The following ELAVL2 variants were observed in gnomAD, a reference collection of about 807,000 sequenced individuals.
ELAVL2 encodes ELAV like RNA binding protein 2.
Under a neutral mutation model 34.6 loss-of-function variants are expected in ELAVL2, and 4 were observed. The observed-to-expected ratio is 0.12, with a 90% CI of 0.06 to 0.26. The LOEUF (loss-of-function observed/expected upper bound fraction) is 0.26. Among genes scored for constraint, ELAVL2 ranks in the 10% least tolerant of loss-of-function variants. ELAVL2 has a pLI of 1.00. For synonymous variants in ELAVL2, 193 were observed against 154.8 expected, an observed-to-expected ratio of 1.25 and a Z score of -1.83; for missense variants, 432 against 442.8, an observed-to-expected ratio of 0.98 and a Z score of 0.22.
intron 1 of ELAVL2, among the ~76,000 whole-genome samples, chr9:23,782,522 A>T (rs1313362420): frequency 6.6e-6 from 1 of 152,186 alleles, no homozygotes; most frequent in Non-Finnish European, 1.5e-5. Context: ...CAATGAGCCA[A>T]GATCCTGCCA....
chr9:23,703,273 G>A (rs2038102779), intron 4 of ELAVL2, among the ~76,000 whole-genome samples: 1 of 152,172 alleles, frequency 6.6e-6, no homozygotes, highest in Non-Finnish European at 1.5e-5. Flanking sequence ...ATCTCAGAAT[G>A]AATGAATTAG....
chr9:23,702,272 G>A (rs893707837), intron 4 of ELAVL2, among the ~76,000 whole-genome samples: 9 of 150,414 alleles, frequency 6.0e-5, no homozygotes, highest in Non-Finnish European at 1.0e-4. Flanking sequence ...AAGAAAAGAC[G>A]TAGATTTTAA....
intron 3 of ELAVL2, among the ~76,000 whole-genome samples, chr9:23,707,887 T>C (rs940982132): frequency 1.1e-4 from 16 of 152,214 alleles, no homozygotes; most frequent in African/African-American, 3.6e-4. Context: ...TACAGTGTTC[T>C]AGAACAATTT....
At chr9:23,824,006 A>T (rs1341423787) in intron 1 of ELAVL2, among the ~76,000 whole-genome samples, 1 of 152,200 alleles carries the variant, frequency 6.6e-6, no homozygotes, top group Non-Finnish European at 1.5e-5. Flanking sequence ...GTGTTTGTAC[A>T]TGAGAGGGGG....
rs199555577 is a variant in ELAVL2 at position 23,701,699 on chromosome 9, CA to C, written c.488-96del. 0.011 allele frequency: 13,674 copies of C among 1,300,846 alleles called. 1,028 individuals carry two copies. The African/African-American group carries it at 0.17, about 16-fold the overall frequency. The allele number at this position is 1,300,846 out of a possible 1,614,324, so 80.6% of individuals were successfully genotyped here. ...CACATTAATTTTTCCTTCTCAAGAA[CA>C]TGTTTTCACCTACATATAACATTTC... On this transcript the variant is annotated intron_variant, in intron 4 of 6. Coordinates refer to ENST00000397312, the MANE Select transcript of ELAVL2 (RefSeq NM_004432.5).
At chr9:23,815,494 G>T (rs1285341155) in intron 1 of ELAVL2, among the ~76,000 whole-genome samples, 2 of 151,992 alleles carry the variant, frequency 1.3e-5, no homozygotes, top group Non-Finnish European at 2.9e-5. Flanking sequence ...ACTAAAAATG[G>T]TTCATAACAC....
intron 3 of ELAVL2, among the ~76,000 whole-genome samples, chr9:23,727,262 C>G (rs2045446595): frequency 6.6e-6 from 1 of 152,040 alleles, no homozygotes; most frequent in Non-Finnish European, 1.5e-5. Context: ...GAACAAGTAT[C>G]TCGAGACTTT....
At chr9:23,697,444 G>C (rs916233150) in intron 5 of ELAVL2, among the ~76,000 whole-genome samples, 3 of 152,120 alleles carry the variant, frequency 2.0e-5, no homozygotes, top group Non-Finnish European at 4.4e-5. Flanking sequence ...AAGCCAACCA[G>C]TATAGTAATT....
chr9:23,828,621 G>A (rs1331365773), upstream of ELAVL2, among the ~76,000 whole-genome samples: 1 of 152,040 alleles, frequency 6.6e-6, no homozygotes, highest in Non-Finnish European at 1.5e-5. Flanking sequence ...CAGTATTTAT[G>A]GTTTTTTTTC....
chr9:23,816,520 C>T (rs1377433033), intron 1 of ELAVL2, among the ~76,000 whole-genome samples: 2 of 152,056 alleles, frequency 1.3e-5, no homozygotes, highest in Non-Finnish European at 2.9e-5. Context: ...ATTTCCCTTT[C>T]ATGATAAACT....
At chr9:23,823,239 A>T (rs962200586) in intron 1 of ELAVL2, among the ~76,000 whole-genome samples, 2 of 152,186 alleles carry the variant, frequency 1.3e-5, no homozygotes, top group Non-Finnish European at 2.9e-5. Flanking sequence ...TAAATAGTTA[A>T]TTATAATATT....
intron 5 of ELAVL2, among the ~76,000 whole-genome samples, chr9:23,695,840 A>G (rs920287482): frequency 6.6e-6 from 1 of 152,190 alleles, no homozygotes; most frequent in Non-Finnish European, 1.5e-5. Flanking sequence ...ACGGTCGTAC[A>G]TGTGATTAAC....
At chr9:23,729,238 A>G (rs577404072) in intron 3 of ELAVL2, among the ~76,000 whole-genome samples, 8 of 152,284 alleles carry the variant, frequency 5.3e-5, no homozygotes, top group African/African-American at 1.7e-4. Flanking sequence ...GGAGAAAAGG[A>G]TAGTTCCTGG....
intron 1 of ELAVL2, among the ~76,000 whole-genome samples, chr9:23,808,656 T>C (rs371739853): frequency 1.3e-5 from 2 of 152,292 alleles, no homozygotes; most frequent in East Asian, 1.9e-4. Context: ...TGGCTACTAA[T>C]AAAAACTTTA....
upstream of ELAVL2, among the ~76,000 whole-genome samples, chr9:23,831,192 C>T (rs2065489956): frequency 6.6e-6 from 1 of 152,126 alleles, no homozygotes; most frequent in Admixed American, 6.6e-5. Flanking sequence ...TTTATGTTTC[C>T]ACTTGTGTGC....
rs78256911 is a variant in ELAVL2 at position 23,754,272 on chromosome 9, T to A, written c.229+7734A>T. ...GAATATTGTTTCATACTTTTCTGTA[T>A]CCTCAAATAGATGTTTCTTCATCCT... On this transcript the variant is annotated intron_variant, in intron 2 of 6. Transcript: ENST00000397312. Among the ~76,000 whole-genome samples the A allele has an allele frequency of 5.5e-3, 833 of 152,290 alleles. 17 individuals are homozygous for A. In the East Asian group the frequency reaches 0.065, roughly 12 times the overall value.
intron 2 of ELAVL2, among the ~76,000 whole-genome samples, chr9:23,743,217 A>T (rs771294403): frequency 9.2e-5 from 14 of 152,314 alleles, no homozygotes; most frequent in Non-Finnish European, 1.9e-4. Flanking sequence ...GCTACAGCAA[A>T]CCACTCTGAG....
At chr9:23,788,466 T>C (rs557397228) in intron 1 of ELAVL2, among the ~76,000 whole-genome samples, 6 of 152,280 alleles carry the variant, frequency 3.9e-5, no homozygotes, top group African/African-American at 1.4e-4. Context: ...CCCTACCATG[T>C]TTTTTCCTAC....
the ELAVL2 span, among the ~76,000 whole-genome samples, chr9:23,839,559 A>G: frequency 6.6e-6 from 1 of 152,304 alleles, no homozygotes; most frequent in South Asian, 2.1e-4. Context: ...GTCCCAAATC[A>G]ACAAGAACAA....
Sources: allele counts gnomAD v4.1 joint callset (sites outside exome capture counted in the v4.1 genomes callset), GRCh38; gene constraint gnomAD v4.1.1; transcripts MANE v1.5; gene names NCBI Gene and HGNC (gene_info 2026-07-23, HGNC 2026-07-21).